Variants in CDC14B observed in about 807,000 individuals in gnomAD.
CDC14B encodes the protein dual specificity protein phosphatase CDC14B.
CDC14B carries 22 observed loss-of-function variants against 64.2 expected under a neutral mutation model. The ratio of observed to expected loss-of-function variants is 0.34; its 90% confidence interval spans 0.24 to 0.49. The LOEUF is 0.49. Ranked by LOEUF, CDC14B falls within the 20% of genes least tolerant of loss-of-function variation. The pLI is 0.99. For missense variants in CDC14B, 498 were observed against 629.9 expected, an observed-to-expected ratio of 0.79 and a Z score of 2.24; for synonymous variants, 191 against 215.8, an observed-to-expected ratio of 0.89 and a Z score of 1.01.
At chr9:96,592,448 ATG>A (rs1311994536) in intron 1 of CDC14B, among the ~76,000 whole-genome samples, 4 of 152,188 alleles carry the variant, frequency 2.6e-5, no homozygotes, top group African/African-American at 9.7e-5. Context: ...TCACTGAAAT[ATG>A]TTCACCATCA....
Position 96,575,840 on chromosome 9 carries a change from C to A in CDC14B, c.161-10357G>T, listed in dbSNP as rs1030411745. Among the ~76,000 whole-genome samples the A allele has an allele frequency of 2.0e-5, 3 of 152,120 alleles. No homozygotes were observed. The East Asian group carries it at 5.8e-4, about 29-fold the overall frequency. ...TCTCTATCAAAAACAAACCAAAAAACCCCAAAAAGTCCTCAAGCTATATGT... is the reference window on the plus strand; with the variant it reads ...TCTCTATCAAAAACAAACCAAAAAAACCCAAAAAGTCCTCAAGCTATATGT... On this transcript the variant is annotated intron_variant, in intron 1 of 13. Coordinates refer to ENST00000375241, the MANE Select transcript of CDC14B (RefSeq NM_033331.4).
intron 1 of CDC14B, among the ~76,000 whole-genome samples, chr9:96,597,260 G>A (rs977224686): frequency 6.6e-5 from 10 of 152,154 alleles, no homozygotes; most frequent in African/African-American, 1.7e-4. Context: ...TTGGGAGGCC[G>A]AGGCAGGTGG....
intron 13 of CDC14B, among the ~76,000 whole-genome samples, chr9:96,493,939 C>CG (rs1397214038): frequency 1.3e-5 from 2 of 152,234 alleles, no homozygotes; most frequent in Non-Finnish European, 2.9e-5. Flanking sequence ...TGCCTCCAGG[C>CG]GCTCCCCTCC....
At chr9:96,603,526 G>A (rs1846648631) in intron 1 of CDC14B, among the ~76,000 whole-genome samples, 1 of 152,186 alleles carries the variant, frequency 6.6e-6, no homozygotes, top group Non-Finnish European at 1.5e-5. Context: ...CAGGCTTAAA[G>A]GGGAGGAAGA....
chr9:96,528,605 T>C (rs1370583457), intron 9 of CDC14B, among the ~76,000 whole-genome samples: 2 of 152,194 alleles, frequency 1.3e-5, no homozygotes, highest in Non-Finnish European at 2.9e-5. Context: ...CTGCTGTCAA[T>C]TGTTTCTGAG....
At chr9:96,588,847 G>T (rs1394998859) in intron 1 of CDC14B, among the ~76,000 whole-genome samples, 2 of 152,026 alleles carry the variant, frequency 1.3e-5, no homozygotes, top group African/African-American at 4.8e-5. Flanking sequence ...GTAAAAATCT[G>T]GGAATTTTAA....
chr9:96,601,687 G>A (rs1327569772), intron 1 of CDC14B, among the ~76,000 whole-genome samples: 1 of 151,536 alleles, frequency 6.6e-6, no homozygotes, highest in African/African-American at 2.4e-5. Context: ...CAGCTACTCG[G>A]GAAGCTGAGG....
At chr9:96,538,478 G>A (rs1448517521) in intron 7 of CDC14B, 2 of 152,372 alleles carry the variant, frequency 1.3e-5, no homozygotes, top group Non-Finnish European at 2.9e-5. Context: ...CTAGCACTTT[G>A]GGAGGCCAAG....
intron 7 of CDC14B, among the ~76,000 whole-genome samples, chr9:96,535,588 A>T (rs1839166739): frequency 6.6e-6 from 1 of 152,228 alleles, no homozygotes; most frequent in Non-Finnish European, 1.5e-5. Flanking sequence ...ATAGTGCAGA[A>T]GGAGAGGACT....
At chr9:96,585,172 G>A (rs1564372605) in intron 1 of CDC14B, among the ~76,000 whole-genome samples, 1 of 149,736 alleles carries the variant, frequency 6.7e-6, no homozygotes, top group African/African-American at 2.5e-5. Context: ...TTGCACTGTT[G>A]TTGTTTATTT....
At chr9:96,565,868 C>T (rs1843837211) in intron 1 of CDC14B, among the ~76,000 whole-genome samples, 1 of 152,204 alleles carries the variant, frequency 6.6e-6, no homozygotes, top group Non-Finnish European at 1.5e-5. Flanking sequence ...TTTTTCAAGA[C>T]ATCCTAAAAA....
intron 9 of CDC14B, among the ~76,000 whole-genome samples, chr9:96,531,916 C>T (rs1263623873): frequency 6.6e-6 from 1 of 151,946 alleles, no homozygotes; most frequent in African/African-American, 2.4e-5. Flanking sequence ...CTAAAAGACT[C>T]CCCCTTTAGA....
chr9:96,599,953 A>G (rs1846324099), intron 1 of CDC14B, among the ~76,000 whole-genome samples: 2 of 152,074 alleles, frequency 1.3e-5, no homozygotes, highest in Admixed American at 1.3e-4. Flanking sequence ...GATGCTCTCA[A>G]TCTCTTGACC....
intron 3 of CDC14B, among the ~76,000 whole-genome samples, chr9:96,563,241 G>C (rs1281394934): frequency 1.3e-5 from 2 of 152,192 alleles, no homozygotes; most frequent in East Asian, 3.8e-4. Flanking sequence ...GGCTGCTATG[G>C]GGTGCCGCCA....
At chr9:96,569,314 T>C (rs1844337064) in intron 1 of CDC14B, among the ~76,000 whole-genome samples, 1 of 152,206 alleles carries the variant, frequency 6.6e-6, no homozygotes, top group Non-Finnish European at 1.5e-5. Flanking sequence ...ACAAGGGAAC[T>C]GGTTAGTAAC....
At chr9:96,576,522 A>G (rs948761394) in intron 1 of CDC14B, among the ~76,000 whole-genome samples, 1 of 149,066 alleles carries the variant, frequency 6.7e-6, no homozygotes, top group Non-Finnish European at 1.5e-5. Context: ...AATCCCAGAT[A>G]CTCAGGAAGC....
chr9:96,616,723 CAA>C (rs557948777), intron 1 of CDC14B, among the ~76,000 whole-genome samples: 144 of 102,462 alleles, frequency 1.4e-3, no homozygotes, highest in African/African-American at 4.2e-3. Context: ...GACTCTGTCT[CAA>C]AAAAAAAAAA....
chr9:96,597,794 G>A lies in CDC14B; in HGVS notation c.160+21425C>T, dbSNP rs1846185526. ...CTACTACATGGAGAAATGTTTAAGA[G>A]TTTACTGTCCTCATTTAAGTTGCTT... On this transcript the variant is annotated intron_variant, in intron 1 of 13. Transcript: ENST00000375241. Among the ~76,000 whole-genome samples, 3 of 152,166 alleles carry A rather than the reference G, an allele frequency of 2.0e-5. No individual in the cohort carries two copies. The South Asian group carries it at 6.2e-4, about 32-fold the overall frequency.
At chr9:96,569,588 G>A (rs1242024856) in intron 1 of CDC14B, among the ~76,000 whole-genome samples, 1 of 152,160 alleles carries the variant, frequency 6.6e-6, no homozygotes, top group East Asian at 1.9e-4. Context: ...GTGCTGGGTT[G>A]AGGGCCATTT....
Sources: allele counts gnomAD v4.1 joint callset (sites outside exome capture counted in the v4.1 genomes callset), GRCh38; gene constraint gnomAD v4.1.1; transcripts MANE v1.5; gene names NCBI Gene and HGNC (gene_info 2026-07-23, HGNC 2026-07-21).